EFCAB13: variants seen among roughly 807,000 people sequenced by gnomAD.
EFCAB13 encodes EF-hand calcium binding domain 13, also known as EF-hand calcium-binding domain-containing protein 13.
EFCAB13 carries 91 observed loss-of-function variants against 110.2 expected under a neutral mutation model. The ratio of observed to expected loss-of-function variants is 0.83; its 90% CI spans 0.70 to 0.98. The LOEUF is 0.98. Ranked by LOEUF, EFCAB13 falls within the 50% of genes least tolerant of loss-of-function variation. The probability of loss-of-function intolerance (pLI) is 0.00; values close to 1 mark genes in which losing one functional copy is unlikely to be tolerated. For synonymous variants in EFCAB13, 323 were observed against 369.9 expected (o/e 0.87, Z 1.45); for missense variants, 968 against 1,119.4 (o/e 0.86, Z 1.93).
At chr17:47,426,071 T>C (rs1158188719) in intron 23 of EFCAB13, among the ~76,000 whole-genome samples, 3 of 152,190 alleles carry the variant, frequency 2.0e-5, no homozygotes, top group African/African-American at 7.2e-5. Flanking sequence ...CTCTTCAGTG[T>C]ACCCATGATG....
At chr17:47,430,035 A>C in intron 24 of EFCAB13, 74 bp downstream of exon 24, 2 of 1,456,966 alleles carry the variant, frequency 1.4e-6, no homozygotes, top group Non-Finnish European at 1.8e-6. Context: ...TGGGTAGGAC[A>C]TGCAGGGATG....
intron 23 of EFCAB13, among the ~76,000 whole-genome samples, chr17:47,423,917 G>A (rs574718305): frequency 1.3e-5 from 2 of 151,996 alleles, no homozygotes; most frequent in East Asian, 3.9e-4. Flanking sequence ...GTTCCTGGGC[G>A]GCCCGGCCAG....
In EFCAB13 at chr17:47,421,641, G is replaced by GA. The variant is rs375256582; in HGVS notation, c.2494+6734dup. ...ATGAGCAATAAAAAAAAGAAAGAAA[G>GA]AAAAAAAAAAAAGAAATGTTACCAA... is the stretch of plus-strand genomic sequence containing the variant. On this transcript the variant is annotated intron_variant, in intron 23 of 24. Coordinates refer to ENST00000331493, the MANE Select transcript of EFCAB13 (RefSeq NM_152347.5). Among the ~76,000 whole-genome samples, 161 of 129,340 alleles carry GA rather than the reference G, an allele frequency of 1.2e-3. 2 individuals carry two copies. Among genetic ancestry groups the GA allele is most frequent in the East Asian group, 2.1e-3 (8 of 3,888 alleles). The allele number at this position is 129,340 out of a possible 152,430, so 84.9% of individuals were successfully genotyped here.
chr17:47,343,451 A>G (rs1451704924), intron 6 of EFCAB13, among the ~76,000 whole-genome samples: 1 of 152,052 alleles, frequency 6.6e-6, no homozygotes, highest in East Asian at 1.9e-4. Context: ...TCACTGGGGA[A>G]TAAGTTTTTT....
intron 22 of EFCAB13, among the ~76,000 whole-genome samples, chr17:47,413,218 A>G (rs1020087926): frequency 1.3e-5 from 2 of 149,120 alleles, no homozygotes; most frequent in Middle Eastern, 3.4e-3. Flanking sequence ...TTTGATATGC[A>G]ATCTTTTTCA....
chr17:47,344,415 G>T, intron 7 of EFCAB13, 123 bp downstream of exon 7: 1 of 1,229,704 alleles, frequency 8.1e-7, no homozygotes. Flanking sequence ...ATGCTGTTAG[G>T]ATTGTGTAGA....
chr17:47,417,374 C>T (rs1056263965), intron 23 of EFCAB13, among the ~76,000 whole-genome samples: 1 of 152,250 alleles, frequency 6.6e-6, no homozygotes, highest in Non-Finnish European at 1.5e-5. Flanking sequence ...TTTCATTTCT[C>T]TAAGAATGTT....
intron 23 of EFCAB13, among the ~76,000 whole-genome samples, chr17:47,419,502 C>T (rs143824635): frequency 1.3e-5 from 2 of 152,248 alleles, no homozygotes; most frequent in Non-Finnish European, 2.9e-5. Flanking sequence ...CACTTGAGCC[C>T]AGGAGTTCAA....
At chr17:47,383,435 C>G (rs1022031092) in intron 14 of EFCAB13, among the ~76,000 whole-genome samples, 1 of 152,202 alleles carries the variant, frequency 6.6e-6, no homozygotes, top group African/African-American at 2.4e-5. Flanking sequence ...AAATTTCCCT[C>G]TAAACACTGC....
intron 11 of EFCAB13, among the ~76,000 whole-genome samples, chr17:47,373,538 G>T (rs1450577873): frequency 6.6e-6 from 1 of 152,076 alleles, no homozygotes; most frequent in Non-Finnish European, 1.5e-5. Flanking sequence ...CTCTGCATTT[G>T]AAGGACTGGG....
intron 9 of EFCAB13, among the ~76,000 whole-genome samples, chr17:47,351,899 G>GTTT (rs762050927): frequency 2.0e-4 from 24 of 121,472 alleles, no homozygotes; most frequent in Non-Finnish European, 3.1e-4. Context: ...TTTTCATGTA[G>GTTT]TTTTTTTTTT....
At chr17:47,360,994 T>C (rs2065509491) in intron 9 of EFCAB13, among the ~76,000 whole-genome samples, 1 of 151,548 alleles carries the variant, frequency 6.6e-6, no homozygotes, top group African/African-American at 2.4e-5. Flanking sequence ...GATAAAGTGA[T>C]TTAGTGTTTA....
intron 23 of EFCAB13, among the ~76,000 whole-genome samples, chr17:47,421,720 T>TA (rs1904726283): frequency 6.6e-6 from 1 of 151,134 alleles, no homozygotes; most frequent in Non-Finnish European, 1.5e-5. Context: ...ATAAAAAAGA[T>TA]ACTAAGAGGA....
intron 12 of EFCAB13, among the ~76,000 whole-genome samples, chr17:47,376,859 T>C (rs1478375233): frequency 6.6e-6 from 1 of 152,234 alleles, no homozygotes; most frequent in Non-Finnish European, 1.5e-5. Context: ...TGAAGACTAT[T>C]GACTAGTTGT....
At chr17:47,409,581 C>T in intron 20 of EFCAB13, 66 bp from the exon 21 acceptor site, 1 of 1,223,704 alleles carries the variant, frequency 8.2e-7, no homozygotes, top group Non-Finnish European at 1.2e-6. Context: ...CCATTGGTTT[C>T]CTTTCAAACA....
At chr17:47,410,441 A>G in intron 21 of EFCAB13, among the ~76,000 whole-genome samples, 1 of 152,212 alleles carries the variant, frequency 6.6e-6, no homozygotes, top group African/African-American at 2.4e-5. Context: ...GGGGGACACA[A>G]TCAAACCATA....
chr17:47,420,119 C>T (rs1035895235), intron 23 of EFCAB13, among the ~76,000 whole-genome samples: 8 of 152,220 alleles, frequency 5.3e-5, no homozygotes, highest in Non-Finnish European at 7.3e-5. Context: ...GACTGGTTTT[C>T]GTATTTTTTT....
chr17:47,331,205 C>G (rs886369018), intron 4 of EFCAB13, among the ~76,000 whole-genome samples: 2 of 152,028 alleles, frequency 1.3e-5, no homozygotes, highest in African/African-American at 4.8e-5. Context: ...CAAATATTTT[C>G]TCTCATTCTG....
chr17:47,371,551 G>T, intron 11 of EFCAB13, among the ~76,000 whole-genome samples: 1 of 152,150 alleles, frequency 6.6e-6, no homozygotes, highest in East Asian at 1.9e-4. Context: ...TAAACCAACA[G>T]TTGATCAGTT....
Sources: allele counts gnomAD v4.1 joint callset (sites outside exome capture counted in the v4.1 genomes callset), GRCh38; gene constraint gnomAD v4.1.1; transcripts MANE v1.5; gene names NCBI Gene and HGNC (gene_info 2026-07-23, HGNC 2026-07-21).